ATG12: variants seen among roughly 807,000 people sequenced by gnomAD.
The protein encoded by ATG12 is ubiquitin-like protein ATG12.
ATG12 carries 19 observed loss-of-function variants against 17.6 expected under a neutral mutation model. That is an observed-to-expected ratio of 1.08 (90% CI 0.75 to 1.58). The LOEUF (loss-of-function observed/expected upper bound fraction) is 1.58. Among genes scored for constraint, ATG12 ranks in the 40% most tolerant of loss-of-function variants. ATG12 has a pLI of 0.00. For missense variants in ATG12, 214 were observed against 162.0 expected, an observed-to-expected ratio of 1.32 and a Z score of -1.74; for synonymous variants, 75 against 62.4, an observed-to-expected ratio of 1.20 and a Z score of -0.95.
rs759630659 is a variant in ATG12, at chr5:115,841,520, A to C, written c.33T>G (p.Leu11=). Residue 11 remains leucine (L), a synonymous_variant, in exon 1 of 4, where the codon CTT becomes CTG. Coordinates refer to ENST00000509910, the MANE Select transcript of ATG12 (RefSeq NM_004707.4). ...CCCCTCCAGCAGCAATTGAAGTAGG[A>C]AGCTGCAACACAGACTGCGGCTCCT... MAEEPQSVLQ[L]PTSIAAGGEG... The C allele has an allele frequency of 6.2e-7, 1 of 1,612,582 alleles. No individual in the cohort carries two copies. Among genetic ancestry groups the C allele is most frequent in the Non-Finnish European group, 8.5e-7 (1 of 1,179,514 alleles).
At chr5:115,837,811 A>G in intron 1 of ATG12, 47 bp from the exon 2 acceptor site, 1 of 1,494,268 alleles carries the variant, frequency 6.7e-7, no homozygotes, top group Non-Finnish European at 9.1e-7. Flanking sequence ...TGAAACATCT[A>G]AAGAGAATGG....
At chr5:115,831,992 C>A in intron 3 of ATG12, 129 bp from the exon 4 acceptor site, 2 of 826,554 alleles carry the variant, frequency 2.4e-6, no homozygotes, top group Non-Finnish European at 1.9e-6. Flanking sequence ...TACAGGCTAT[C>A]TCTTTCAAAG....
chr5:115,840,846 G>A (rs1030022992), intron 1 of ATG12: 5 of 1,261,632 alleles, frequency 4.0e-6, no homozygotes, highest in Non-Finnish European at 5.1e-6. Context: ...TTCTTAAAAA[G>A]GTAACATCTA....
At chr5:115,832,015 T>TG in intron 3 of ATG12, 152 bp from the exon 4 acceptor site, 1 of 705,936 alleles carries the variant, frequency 1.4e-6, no homozygotes, top group Admixed American at 2.8e-5. Flanking sequence ...TGCCTGTTTC[T>TG]ATCAGACACA....
At position 115,830,885 on chromosome 5, in the gene ATG12, T is replaced by A. The variant is rs1416694824; in HGVS notation, c.*919A>T. ...AGAGAAAAAAAGGTTAAATTTCACT[T>A]CAAGAAATTATCAGTCTAATAGCAT... On this transcript the variant is annotated 3_prime_UTR_variant, in exon 4 of 4. Coordinates refer to ENST00000509910, the MANE Select transcript of ATG12 (RefSeq NM_004707.4). 6.6e-6 allele frequency: 1 copy of A among 152,174 alleles called. No individual in the cohort carries two copies. The highest frequency in any genetic ancestry group is 1.5e-5 in the Non-Finnish European group (1 of 68,016). 9.4% of individuals were successfully genotyped at this position (152,174 alleles called of 1,614,324 possible).
At chr5:115,836,615 C>T (rs899179938) in intron 2 of ATG12, among the ~76,000 whole-genome samples, 2 of 152,124 alleles carry the variant, frequency 1.3e-5, no homozygotes, top group East Asian at 1.9e-4. Context: ...CCCATGCACA[C>T]GCCTGTGTTC....
rs551805683 is a variant in ATG12 at position 115,833,170 on chromosome 5, C to T, written c.301-506G>A. ...CAGGAAAAAAAGTAACAATTAAAAC[C>T]TTATAACCTTGCTCTTTAAAGGATT... On this transcript the variant is annotated intron_variant, in intron 2 of 3. Coordinates refer to ENST00000509910, the MANE Select transcript of ATG12 (RefSeq NM_004707.4). 3.3e-5 allele frequency: 5 copies of T among 152,228 alleles called. 1 individual carries two copies. Among genetic ancestry groups the T allele is most frequent in the African/African-American group, 9.6e-5 (4 of 41,528 alleles). 9.4% of individuals were successfully genotyped at this position (152,228 alleles called of 1,614,324 possible). A position where few individuals can be genotyped will look rare whatever the true frequency, so the allele number is the denominator to read the frequency against.
In ATG12 at chr5:115,841,218, T is replaced by A. The variant is rs539445074; in HGVS notation, c.163+172A>T. The A allele has an allele frequency of 5.5e-5, 44 of 801,932 alleles. 1 individual carries two copies. In the South Asian group the frequency reaches 7.0e-4, roughly 13 times the overall value. The allele number at this position is 801,932 out of a possible 1,614,324, so 49.7% of individuals were successfully genotyped here. A position where few individuals can be genotyped will look rare whatever the true frequency, so the allele number is the denominator to read the frequency against. ...ATAGACAGAGATGGTATTTTAACAC[T>A]CAACTTAAAGGCCTTAAAAATCAAA... On this transcript the variant is annotated intron_variant, in intron 1 of 3. Transcript: ENST00000509910.
intron 1 of ATG12, chr5:115,840,996 T>C: frequency 1.3e-6 from 1 of 776,330 alleles, no homozygotes; most frequent in South Asian, 1.4e-5. Flanking sequence ...AATCCAGGCT[T>C]TGCCAATGAC....
chr5:115,841,450 G>C lies in ATG12; in HGVS notation c.103C>G (p.Pro35Ala), dbSNP rs754403775. Residue 35 changes from proline to alanine, a missense_variant, in exon 1 of 4, where the codon CCG (proline) becomes GCG (alanine). By Grantham distance (27) the Pro-to-Ala change is conservative (BLOSUM62 -1). Coordinates refer to ENST00000509910, the MANE Select transcript of ATG12 (RefSeq NM_004707.4). ...VSPETTTPEP[P>A]SSAAVSPGTE... is the part of the protein sequence containing the mutation. ...CCCGGGGAAACTGCAGCGGAAGACG[G>C]GGGCTCCGGGGTGGTTGTTTCTGGG... The C allele has an allele frequency of 6.2e-6, 10 of 1,609,786 alleles. No homozygotes were observed. The highest frequency in any genetic ancestry group is 8.5e-7 in the Non-Finnish European group (1 of 1,179,020).
intron 2 of ATG12, chr5:115,833,420 AT>A (rs1278955291): frequency 6.6e-6 from 1 of 152,148 alleles, no homozygotes; most frequent in Non-Finnish European, 1.5e-5. Context: ...GACAGATACT[AT>A]TTTGATCACC....
intron 2 of ATG12, chr5:115,833,313 G>GT (rs771575434): frequency 2.0e-5 from 3 of 151,904 alleles, no homozygotes; most frequent in African/African-American, 4.8e-5. Context: ...TTATTTGCAG[G>GT]TAACATATTT....
At chr5:115,840,626 G>T in intron 1 of ATG12, 1 of 1,268,106 alleles carries the variant, frequency 7.9e-7, no homozygotes, top group Admixed American at 2.6e-5. Context: ...AAGACAGAAC[G>T]GGGAAAACGT....
At chr5:115,832,884 A>G (rs759326034) in intron 2 of ATG12, 65 of 407,024 alleles carry the variant, frequency 1.6e-4, no homozygotes, top group African/African-American at 9.3e-4. Context: ...TTCCTAGAAC[A>G]GTGGTTCCTA....
Position 115,836,974 on chromosome 5 carries a change from T to G in ATG12, c.300+654A>C, listed in dbSNP as rs142373297. On this transcript the variant is annotated intron_variant, in intron 2 of 3. Transcript: ENST00000509910. ...TTCACAATATATGGCAAAGATACAT[T>G]GCTTACCTCAAGAAAAATAGGAAAA... is the stretch of plus-strand genomic sequence containing the variant. Among the ~76,000 whole-genome samples the G allele has an allele frequency of 3.1e-3, 479 of 152,334 alleles. 1 individual carries two copies. The highest frequency in any genetic ancestry group is 4.8e-3 in the South Asian group (23 of 4,832).
At position 115,832,606 on chromosome 5, in the gene ATG12, TAG is replaced by T. The variant is rs1287141980; in HGVS notation, c.357_358del (p.Tyr120Ter). On this transcript the variant is annotated frameshift_variant, in exon 3 of 4. Transcript: ENST00000509910. LOFTEE classifies it high-confidence loss of function. ...TTTTTTTTTTTTTTTTTTTACCTCA[TAG>T]AGAGTTCCAACTTCTTGGTCTGGGG... 3.2e-6 allele frequency: 3 copies of T among 931,132 alleles called. No individual in the cohort carries two copies. Among genetic ancestry groups the T allele is most frequent in the Non-Finnish European group, 3.1e-6 (2 of 641,096 alleles). The allele number at this position is 931,132 out of a possible 1,614,324, so 57.7% of individuals were successfully genotyped here.
At chr5:115,832,006 G>A in intron 3 of ATG12, 143 bp from the exon 4 acceptor site, 6 of 745,104 alleles carry the variant, frequency 8.1e-6, no homozygotes, top group Non-Finnish European at 1.1e-5. Context: ...TTCAAAGGAT[G>A]CCTGTTTCTA....
chr5:115,836,744 G>C (rs1177644226), intron 2 of ATG12, among the ~76,000 whole-genome samples: 1 of 152,066 alleles, frequency 6.6e-6, no homozygotes, highest in African/African-American at 2.4e-5. Flanking sequence ...CCAAGATTGT[G>C]ATCTATTTGC....
At chr5:115,835,360 T>C (rs2112723662) in intron 2 of ATG12, among the ~76,000 whole-genome samples, 1 of 152,338 alleles carries the variant, frequency 6.6e-6, no homozygotes, top group African/African-American at 2.4e-5. Context: ...TTAGTTTTCC[T>C]CAACTTTTAG....
Sources: allele counts gnomAD v4.1 joint callset (sites outside exome capture counted in the v4.1 genomes callset), GRCh38; gene constraint gnomAD v4.1.1; transcripts MANE v1.5; gene names NCBI Gene and HGNC (gene_info 2026-07-23, HGNC 2026-07-21).